The following VWF variants were observed in gnomAD, a reference collection of about 807,000 sequenced individuals.
The protein encoded by VWF is von Willebrand factor.
In VWF, 176 loss-of-function variants were observed where a neutral mutation model predicts 308.6. The observed-to-expected ratio is 0.57, with a 90% CI of 0.50 to 0.65. The LOEUF (loss-of-function observed/expected upper bound fraction) is 0.65. VWF is among the 30% of genes least tolerant of loss of function. VWF has a pLI of 0.00. For missense variants in VWF, 3,146 were observed against 3,648.2 expected (o/e 0.86, Z 3.55); for synonymous variants, 1,385 against 1,443.4 (o/e 0.96, Z 0.92).
chr12:6,032,947 CAT>C (rs1407613431), intron 20 of VWF, among the ~76,000 whole-genome samples: 1 of 151,986 alleles, frequency 6.6e-6, no homozygotes, highest in East Asian at 1.9e-4. Context: ...CATACACACA[CAT>C]ACACCCATGT....
At chr12:6,039,865 T>C (rs571091316) in intron 18 of VWF, among the ~76,000 whole-genome samples, 2 of 152,182 alleles carry the variant, frequency 1.3e-5, no homozygotes, top group Non-Finnish European at 2.9e-5. Flanking sequence ...ACCACACTTC[T>C]CGCCACCAAG....
chr12:6,087,349 T>G lies in VWF; in HGVS notation c.657+8111A>C, dbSNP rs188680896. Reference sequence around the variant, plus strand: ...GCCCAGCAAGGGTGTCTCAAAGACTTAACTCTTTTTTTTTTTTTTTTTTTT... The same window carrying G: ...GCCCAGCAAGGGTGTCTCAAAGACTGAACTCTTTTTTTTTTTTTTTTTTTT... On this transcript the variant is annotated intron_variant, in intron 6 of 51. Transcript: ENST00000261405. 2.8e-3 allele frequency among the ~76,000 whole-genome samples: 412 copies of G among 146,338 alleles called. 13 individuals carry two copies. The highest frequency in any genetic ancestry group is 0.026 in the Admixed American group (378 of 14,640).
intron 10 of VWF, among the ~76,000 whole-genome samples, chr12:6,067,343 C>G (rs1423023571): frequency 6.6e-6 from 1 of 152,174 alleles, no homozygotes; most frequent in East Asian, 1.9e-4. Context: ...TCTGTGTTTT[C>G]TCAGAGCACT....
intron 42 of VWF, among the ~76,000 whole-genome samples, chr12:5,980,710 G>A (rs147215948): frequency 1.9e-3 from 292 of 152,090 alleles, no homozygotes; most frequent in African/African-American, 6.7e-3. Context: ...TGAGCTGGAA[G>A]AGCGTCCAGA....
chr12:5,968,086 T>C (rs369455811), intron 46 of VWF, 41 bp downstream of exon 46: 7 of 1,613,548 alleles, frequency 4.3e-6, no homozygotes, highest in South Asian at 1.1e-5. Context: ...CCCCCTTCCC[T>C]GTCCCCACCA....
chr12:6,041,886 A>C, intron 18 of VWF, among the ~76,000 whole-genome samples: 1 of 152,240 alleles, frequency 6.6e-6, no homozygotes, highest in East Asian at 1.9e-4. Context: ...CATCCTTTAC[A>C]GGTCTCTCCT....
At chr12:6,008,282 G>C (rs1175353253) in intron 34 of VWF, among the ~76,000 whole-genome samples, 2 of 152,008 alleles carry the variant, frequency 1.3e-5, no homozygotes, top group South Asian at 2.1e-4. Flanking sequence ...CAAAATGACA[G>C]CAAACTGAAT....
At chr12:6,047,865 C>T (rs150111378) in intron 16 of VWF, among the ~76,000 whole-genome samples, 224 of 152,334 alleles carry the variant, frequency 1.5e-3, no homozygotes, top group African/African-American at 5.3e-3. Flanking sequence ...CTCCTTACCA[C>T]CACAAACAAA....
intron 31 of VWF, among the ~76,000 whole-genome samples, chr12:6,013,855 G>T (rs1460490242): frequency 3.9e-5 from 6 of 152,102 alleles, no homozygotes; most frequent in Admixed American, 2.6e-4. Context: ...GTACAGCAGT[G>T]AACCAAGCAC....
At position 6,021,926 on chromosome 12, in the gene VWF, G is replaced by A; in HGVS notation, c.3648C>T (p.Pro1216=). Residue 1216 remains proline (P), a synonymous_variant, in exon 27 of 52, where the codon CCC becomes CCT. Coordinates refer to ENST00000261405, the MANE Select transcript of VWF (RefSeq NM_000552.5). ...AAATCTGGCAGTGCTCAGGGTCACT[G>A]GGATTCAAGGTGACTTTCTTTCCTG... The part of the protein sequence containing the change: ...FASGKKVTLN[P]SDPEHCQICH... The A allele has an allele frequency of 6.2e-7, 1 of 1,614,162 alleles. No homozygotes were observed.
intron 6 of VWF, among the ~76,000 whole-genome samples, chr12:6,079,182 A>T (rs1490155385): frequency 6.6e-6 from 1 of 152,188 alleles, no homozygotes; most frequent in Non-Finnish European, 1.5e-5. Context: ...CAGGACTTGC[A>T]GCTGGATCCG....
chr12:5,973,740 G>A (rs1261501412), intron 43 of VWF, among the ~76,000 whole-genome samples: 1 of 152,204 alleles, frequency 6.6e-6, no homozygotes, highest in African/African-American at 2.4e-5. Context: ...GTATCACAGA[G>A]TAAATAATAT....
At chr12:5,999,503 C>CACACACACACACACA (rs1555193386) in intron 34 of VWF, among the ~76,000 whole-genome samples, 1 of 149,294 alleles carries the variant, frequency 6.7e-6, no homozygotes, top group African/African-American at 2.5e-5. Context: ...CACACACACA[C>CACACACACACACACA]CACTAAGGAA....
intron 17 of VWF, 101 bp from the exon 18 acceptor site, chr12:6,044,552 A>C (rs1944428123): frequency 1.4e-6 from 2 of 1,463,356 alleles, no homozygotes; most frequent in Non-Finnish European, 1.9e-6. Context: ...TAAATTCAAG[A>C]GACTCAGAGT....
chr12:6,051,475 C>T (rs952114474), intron 16 of VWF, among the ~76,000 whole-genome samples: 3 of 151,790 alleles, frequency 2.0e-5, no homozygotes, highest in Non-Finnish European at 4.4e-5. Flanking sequence ...GTATTTTCAC[C>T]GTGTTAGCCA....
chr12:5,999,918 G>A (rs1275878037), intron 34 of VWF, among the ~76,000 whole-genome samples: 2 of 151,044 alleles, frequency 1.3e-5, no homozygotes, highest in Non-Finnish European at 2.9e-5. Context: ...AGTACCCAAG[G>A]AAGATGACAT....
chr12:5,983,989 TA>T (rs201296380), intron 40 of VWF, among the ~76,000 whole-genome samples: 11,121 of 129,874 alleles, frequency 0.086, 602 homozygotes, highest in East Asian at 0.26. Flanking sequence ...GATAGATAGA[TA>T]GATAGATAGA....
chr12:6,016,989 G>T, intron 28 of VWF, 119 bp from the exon 29 acceptor site: 3 of 1,088,818 alleles, frequency 2.8e-6, no homozygotes, highest in Non-Finnish European at 2.8e-6. Context: ...CACCACCAAG[G>T]GGGGCGGGGG....
intron 51 of VWF, among the ~76,000 whole-genome samples, chr12:5,949,545 A>G (rs1465564621): frequency 6.6e-6 from 1 of 152,200 alleles, no homozygotes; most frequent in Non-Finnish European, 1.5e-5. Flanking sequence ...TCTTGCATAA[A>G]TAACTCTCCA....
Sources: gnomAD v4.1 joint callset for allele counts (sites outside exome capture counted in the v4.1 genomes callset) on GRCh38, gnomAD v4.1.1 for gene constraint, MANE v1.5 for transcripts, NCBI Gene and HGNC (gene_info 2026-07-23, HGNC 2026-07-21) for gene names.